The following RORA variants were observed in gnomAD, a reference collection of about 807,000 sequenced individuals.
RORA encodes the protein nuclear receptor ROR-alpha.
In RORA, 7 loss-of-function variants were observed where a neutral mutation model predicts 69.5. The observed-to-expected ratio is 0.10, with a 90% CI of 0.06 to 0.19. RORA has a LOEUF of 0.19. RORA is among the 10% of genes least tolerant of loss of function. The pLI is 1.00. For synonymous variants in RORA, 261 were observed against 240.8 expected (o/e 1.08, Z -0.78); for missense variants, 457 against 663.0 (o/e 0.69, Z 3.41).
At chr15:60,750,431 G>A (rs534919731) in intron 1 of RORA, among the ~76,000 whole-genome samples, 7 of 152,356 alleles carry the variant, frequency 4.6e-5, no homozygotes, top group Non-Finnish European at 7.3e-5. Context: ...GAAAACAGAA[G>A]CAGAGAAAGA....
At chr15:60,655,347 GT>G (rs1332590114) in intron 2 of RORA, among the ~76,000 whole-genome samples, 1 of 152,106 alleles carries the variant, frequency 6.6e-6, no homozygotes, top group Non-Finnish European at 1.5e-5. Flanking sequence ...ACAGAGTTGT[GT>G]TTGAGCCCTT....
At chr15:60,778,124 C>T (rs893500738) in intron 1 of RORA, among the ~76,000 whole-genome samples, 2 of 152,210 alleles carry the variant, frequency 1.3e-5, no homozygotes, top group Non-Finnish European at 2.9e-5. Context: ...GTAGCTGTTT[C>T]TTCAGCAAGA....
chr15:60,499,554 T>G (rs144412335), intron 10 of RORA, among the ~76,000 whole-genome samples: 31 of 152,234 alleles, frequency 2.0e-4, no homozygotes, highest in African/African-American at 7.0e-4. Context: ...ATTAATAAAT[T>G]CAAAGATTAT....
intron 1 of RORA, among the ~76,000 whole-genome samples, chr15:60,838,868 A>ACACACACACACG (rs2073155668): frequency 2.4e-5 from 2 of 82,784 alleles, no homozygotes; most frequent in African/African-American, 6.0e-5. Context: ...ACACACACAC[A>ACACACACACACG]CACACACACA....
intron 2 of RORA, chr15:60,627,503 G>A: frequency 6.6e-7 from 1 of 1,517,078 alleles, no homozygotes; most frequent in East Asian, 2.3e-5. Context: ...AGGAGTATGG[G>A]GGATAATGCT....
chr15:60,756,380 G>A (rs561091436), intron 1 of RORA, among the ~76,000 whole-genome samples: 4 of 152,218 alleles, frequency 2.6e-5, no homozygotes, highest in South Asian at 4.1e-4. Flanking sequence ...TACCCACAGC[G>A]GGTTTTTGGT....
rs60830259 is a variant in RORA at position 61,040,113 on chromosome 15, GATATATATATATATATATATATAT to G, written c.166+188916_166+188939del. ...TCTAATGGCTATGATCACAAGCTTTGATATATATATATATATATATATATATATATATATATATATATATATATA... is the reference window on the plus strand; with the variant it reads ...TCTAATGGCTATGATCACAAGCTTTGATATATATATATATATATATATATA... On this transcript the variant is annotated intron_variant, in intron 1 of 10. Transcript: ENST00000335670. Among the ~76,000 whole-genome samples, 297 of 46,308 alleles carry G rather than the reference GATATATATATATATATATATATAT, an allele frequency of 6.4e-3. 3 individuals carry two copies. Among genetic ancestry groups the G allele is most frequent in the Middle Eastern group, 0.037 (3 of 82 alleles). The allele number at this position is 46,308 out of a possible 152,430, so 30.4% of individuals were successfully genotyped here. A position where few individuals can be genotyped will look rare whatever the true frequency, so the allele number is the denominator to read the frequency against.
chr15:61,088,857 G>A (rs986275085), intron 1 of RORA, among the ~76,000 whole-genome samples: 3 of 152,188 alleles, frequency 2.0e-5, no homozygotes, highest in African/African-American at 7.2e-5. Context: ...AAGAGGAACT[G>A]AAAAGCACAG....
intron 2 of RORA, among the ~76,000 whole-genome samples, chr15:60,577,087 C>A (rs1397435986): frequency 2.0e-5 from 3 of 151,990 alleles, no homozygotes; most frequent in African/African-American, 7.3e-5. Flanking sequence ...AGAATATCAC[C>A]AAAGATTCTG....
intron 1 of RORA, among the ~76,000 whole-genome samples, chr15:61,200,965 G>A (rs573348626): frequency 7.2e-5 from 11 of 152,306 alleles, no homozygotes; most frequent in South Asian, 4.1e-4. Context: ...AGCGGAAGCC[G>A]ACTTGTTTTA....
At chr15:60,611,254 A>C (rs1307134499) in intron 2 of RORA, among the ~76,000 whole-genome samples, 1 of 152,120 alleles carries the variant, frequency 6.6e-6, no homozygotes, top group African/African-American at 2.4e-5. Flanking sequence ...CTCCAAGGGA[A>C]TCTCCATAGC....
At chr15:61,098,700 G>A (rs1215733932) in intron 1 of RORA, among the ~76,000 whole-genome samples, 1 of 152,160 alleles carries the variant, frequency 6.6e-6, no homozygotes, top group African/African-American at 2.4e-5. Flanking sequence ...GGAATGTGGT[G>A]TGATCTGAGG....
rs756367962 is a variant in RORA at position 61,061,468 on chromosome 15, G to C, written c.166+167585C>G. Among the ~76,000 whole-genome samples the C allele has an allele frequency of 1.3e-5, 2 of 152,134 alleles. No individual in the cohort carries two copies. Among genetic ancestry groups the C allele is most frequent in the Non-Finnish European group, 2.9e-5 (2 of 68,038 alleles). On this transcript the variant is annotated intron_variant, in intron 1 of 10. Transcript: ENST00000335670. This position sits in a 1 kb window ranked among gnomAD's most constrained non-coding sequence, Gnocchi z 4.4. Reference sequence around the variant, plus strand: ...GGCATATCTGTTGTTGCTGACCTGAGAGCTATGGATGCTGTGAGCAGGGGC... The same window carrying C: ...GGCATATCTGTTGTTGCTGACCTGACAGCTATGGATGCTGTGAGCAGGGGC...
chr15:60,592,818 C>T, intron 2 of RORA: 2 of 572,260 alleles, frequency 3.5e-6, no homozygotes, highest in Non-Finnish European at 5.9e-6. Flanking sequence ...CTGTGGCCGC[C>T]GGTCGCTTTT....
At chr15:60,573,086 A>G (rs2067926764) in intron 2 of RORA, among the ~76,000 whole-genome samples, 1 of 152,190 alleles carries the variant, frequency 6.6e-6, no homozygotes, top group South Asian at 2.1e-4. Flanking sequence ...TAATTTAAGC[A>G]TTCGCTTGTA....
intron 1 of RORA, among the ~76,000 whole-genome samples, chr15:60,818,737 T>A (rs1056797953): frequency 6.6e-6 from 1 of 152,242 alleles, no homozygotes; most frequent in African/African-American, 2.4e-5. Flanking sequence ...ATTTCTATCT[T>A]TCATCAGTAG....
intron 1 of RORA, among the ~76,000 whole-genome samples, chr15:60,853,953 G>A (rs147623704): frequency 2.3e-3 from 349 of 152,262 alleles, no homozygotes; most frequent in African/African-American, 8.1e-3. Flanking sequence ...GAAAAACACC[G>A]GAAAAGTTCT....
At chr15:60,760,431 A>G (rs77284267) in intron 1 of RORA, among the ~76,000 whole-genome samples, 5,698 of 152,280 alleles carry the variant, frequency 0.037, 142 homozygotes, top group South Asian at 0.058. Flanking sequence ...TCACCCCAAT[A>G]TTATGTGTAA....
At chr15:61,029,528 G>C (rs1435256434) in intron 1 of RORA, among the ~76,000 whole-genome samples, 1 of 152,168 alleles carries the variant, frequency 6.6e-6, no homozygotes, top group Admixed American at 6.6e-5. Flanking sequence ...AAGGAGTACA[G>C]ACGGGAGGGA....
Sources: allele counts gnomAD v4.1 joint callset (sites outside exome capture counted in the v4.1 genomes callset), GRCh38; gene constraint gnomAD v4.1.1; non-coding constraint Gnocchi (gnomAD v3.1); transcripts MANE v1.5; gene names NCBI Gene and HGNC (gene_info 2026-07-23, HGNC 2026-07-21).